The following KCNQ1OT1 variants were observed in gnomAD, a reference collection of about 807,000 sequenced individuals.
KCNQ1OT1 encodes the protein KCNQ1 opposite strand/antisense transcript 1.
exon 1 of KCNQ1OT1, chr11:2,697,554 G>GT (rs1250306000): frequency 2.5e-6 from 1 of 398,430 alleles, no homozygotes; most frequent in Non-Finnish European, 4.4e-6. Flanking sequence ...GCTAAGTGGT[G>GT]TACTCCACTA....
chr11:2,632,474 A>G, exon 1 of KCNQ1OT1: 1 of 398,452 alleles, frequency 2.5e-6, no homozygotes, highest in Non-Finnish European at 4.4e-6. Flanking sequence ...TCTTTTCACC[A>G]TTATGATGCT....
At chr11:2,641,422 A>T (rs1199848379) in exon 1 of KCNQ1OT1, 4 of 397,590 alleles carry the variant, frequency 1.0e-5, no homozygotes, top group African/African-American at 8.3e-5. Context: ...CCTGTTGGCT[A>T]CTTGTATGTT....
At position 2,627,527 on chromosome 11, in the gene KCNQ1OT1, C is replaced by A. The variant is rs749256861; in HGVS notation, n.72468G>T. ...TCTGAGTTCAAGCTTTTTAGAATTC[C>A]ATATGTAACTGGGATAGTGCAGTAT... is the stretch of plus-strand genomic sequence containing the variant. On this transcript the variant is annotated non_coding_transcript_exon_variant, in exon 1 of 1. Coordinates refer to ENST00000597346, the Ensembl canonical transcript of KCNQ1OT1. This position sits in a 1 kb window ranked among gnomAD's most constrained non-coding sequence, Gnocchi z 4.9. The A allele has an allele frequency of 1.0e-5, 4 of 398,362 alleles. No individual in the cohort carries two copies. The highest frequency in any genetic ancestry group is 1.8e-5 in the Non-Finnish European group (4 of 226,032). The allele number at this position is 398,362 out of a possible 1,614,324, so 24.7% of individuals were successfully genotyped here.
exon 1 of KCNQ1OT1, chr11:2,697,280 C>G: frequency 2.5e-6 from 1 of 398,556 alleles, no homozygotes. Context: ...AAGAATACAA[C>G]AAGTCGTAAC....
chr11:2,615,662 G>T (rs1849048605), exon 1 of KCNQ1OT1: 2 of 397,928 alleles, frequency 5.0e-6, no homozygotes, highest in East Asian at 7.2e-5. Flanking sequence ...ATCCTTCATT[G>T]TATTAATGTG....
At chr11:2,629,192 A>G (rs901459863) in exon 1 of KCNQ1OT1, 6 of 398,110 alleles carry the variant, frequency 1.5e-5, no homozygotes, top group Non-Finnish European at 2.2e-5. Context: ...TAGTATAGCT[A>G]TTTCGGCAAT....
At chr11:2,619,777 T>A in exon 1 of KCNQ1OT1, 1 of 398,312 alleles carries the variant, frequency 2.5e-6, no homozygotes, top group East Asian at 3.6e-5. Context: ...GAAGTATTGG[T>A]ATTCTTTGAA....
At chr11:2,667,912 TGG>T in exon 1 of KCNQ1OT1, 1 of 398,646 alleles carries the variant, frequency 2.5e-6, no homozygotes, top group Non-Finnish European at 4.4e-6. Flanking sequence ...CTTCAGTCCC[TGG>T]GACCCATGTG....
Position 2,669,061 on chromosome 11 carries a change from C to A in KCNQ1OT1, n.30934G>T. Reference sequence around the variant, plus strand: ...CCGGCATGGGAAGGCCCGTCCTCTCCCAACTACCCTGCCGTATCAGTGTCT... The same window carrying A: ...CCGGCATGGGAAGGCCCGTCCTCTCACAACTACCCTGCCGTATCAGTGTCT... On this transcript the variant is annotated non_coding_transcript_exon_variant, in exon 1 of 1. Coordinates refer to ENST00000597346, the Ensembl canonical transcript of KCNQ1OT1. The surrounding 1 kb of genome is among the most constrained non-coding windows in gnomAD (Gnocchi z 5.6). 5.0e-6 allele frequency: 2 copies of A among 398,716 alleles called. No individual in the cohort carries two copies. The highest frequency in any genetic ancestry group is 8.8e-6 in the Non-Finnish European group (2 of 226,122). The allele number at this position is 398,716 out of a possible 1,614,324, so 24.7% of individuals were successfully genotyped here.
At chr11:2,665,972 TGC>T (rs1473640018) in exon 1 of KCNQ1OT1, 2 of 398,448 alleles carry the variant, frequency 5.0e-6, no homozygotes, top group African/African-American at 4.1e-5. Flanking sequence ...CATCCCCAAC[TGC>T]CAAGCCAGCC....
rs1205738732 is a variant in KCNQ1OT1 at position 2,678,168 on chromosome 11, A to G, written n.21827T>C. On this transcript the variant is annotated non_coding_transcript_exon_variant, in exon 1 of 1. Transcript: ENST00000597346. The surrounding 1 kb of genome is among the most constrained non-coding windows in gnomAD (Gnocchi z 4.9). The stretch of plus-strand genomic sequence containing the variant: ...TAGGTGTTTTGGCTTTTTCTATAAT[A>G]TTTTTCTGGTGGCAGAATTTTTTTA... 1.0e-5 allele frequency: 4 copies of G among 397,882 alleles called. No homozygotes were observed. Among genetic ancestry groups the G allele is most frequent in the Non-Finnish European group, 1.8e-5 (4 of 225,852 alleles). The allele number at this position is 397,882 out of a possible 1,614,324, so 24.6% of individuals were successfully genotyped here.
chr11:2,624,746 C>T lies in KCNQ1OT1; in HGVS notation n.75249G>A, dbSNP rs943975791. 3.3e-5 allele frequency: 13 copies of T among 398,472 alleles called. No homozygotes were observed. The highest frequency in any genetic ancestry group is 1.1e-4 in the East Asian group (3 of 28,062). 24.7% of individuals were successfully genotyped at this position (398,472 alleles called of 1,614,324 possible). ...CATTAAACAATAATTCCCCAACCCC[C>T]CCACCACCGCCATCTCTTGGAAACC... On this transcript the variant is annotated non_coding_transcript_exon_variant, in exon 1 of 1. Transcript: ENST00000597346. The surrounding 1 kb of genome is among the most constrained non-coding windows in gnomAD (Gnocchi z 4.9).
rs1564835907 is a variant in KCNQ1OT1, at chr11:2,620,221, T to TTTTA, written n.79773_79774insTAAA. ...CATGTATATATATATATTTTTTTTT[T>TTTTA]TTATTTTTTTTTTAGACGGAGTTTC... On this transcript the variant is annotated non_coding_transcript_exon_variant, in exon 1 of 1. Transcript: ENST00000597346. The surrounding 1 kb of genome is among the most constrained non-coding windows in gnomAD (Gnocchi z 4.5). 230 of 280,170 alleles carry TTTTA rather than the reference T, an allele frequency of 8.2e-4. 1 individual carries two copies. The highest frequency in any genetic ancestry group is 3.3e-3 in the Middle Eastern group (3 of 922). 17.4% of individuals were successfully genotyped at this position (280,170 alleles called of 1,614,324 possible).
At chr11:2,697,603 A>AT (rs1208849948) in exon 1 of KCNQ1OT1, 17 of 398,174 alleles carry the variant, frequency 4.3e-5, no homozygotes, top group Non-Finnish European at 5.3e-5. Context: ...TTATCACATC[A>AT]TTTTTTTCTG....
exon 1 of KCNQ1OT1, chr11:2,699,681 A>AGAACCCCCGGGGAGAACCGCGCCGAC (rs1186679424): frequency 8.8e-6 from 3 of 341,942 alleles, no homozygotes; most frequent in African/African-American, 2.3e-5. Context: ...ACCGCGCCGA[A>AGAACCCCCGGGGAGAACCGCGCCGAC]AAGCCCCGGG....
At chr11:2,681,068 T>G in exon 1 of KCNQ1OT1, 4 of 398,562 alleles carry the variant, frequency 1.0e-5, no homozygotes, top group Non-Finnish European at 1.8e-5. Flanking sequence ...AAAAGAGACT[T>G]TGGAAGATTT....
rs959699890 is a variant in KCNQ1OT1, at chr11:2,687,451, T to G, written n.12544A>C. 3.3e-5 allele frequency: 13 copies of G among 398,688 alleles called. No homozygotes were observed. The highest frequency in any genetic ancestry group is 5.7e-5 in the Non-Finnish European group (13 of 226,228). The allele number at this position is 398,688 out of a possible 1,614,324, so 24.7% of individuals were successfully genotyped here. A position where few individuals can be genotyped will look rare whatever the true frequency, so the allele number is the denominator to read the frequency against. Reference sequence around the variant, plus strand: ...CCAGCTGTCCATACAGATCCCTGCCTGCACAAGAGCTGCTGCAGCATTTCA... The same window carrying G: ...CCAGCTGTCCATACAGATCCCTGCCGGCACAAGAGCTGCTGCAGCATTTCA... On this transcript the variant is annotated non_coding_transcript_exon_variant, in exon 1 of 1. Transcript: ENST00000597346. This position sits in a 1 kb window ranked among gnomAD's most constrained non-coding sequence, Gnocchi z 5.0.
chr11:2,650,127 G>A (rs1202071022), exon 1 of KCNQ1OT1: 9 of 398,030 alleles, frequency 2.3e-5, no homozygotes, highest in Middle Eastern at 6.2e-4. Flanking sequence ...TCACCTCCAG[G>A]ATTTTTGTTT....
chr11:2,696,983 T>G (rs1288311352), exon 1 of KCNQ1OT1: 1 of 398,442 alleles, frequency 2.5e-6, no homozygotes, highest in African/African-American at 2.1e-5. Flanking sequence ...TTTTTTTCCA[T>G]GTAGCCCAGT....
Sources: gnomAD v4.1 joint callset for allele counts on GRCh38, gnomAD v4.1.1 for gene constraint, Gnocchi (gnomAD v3.1) non-coding constraint, MANE v1.5 for transcripts, NCBI Gene and HGNC (gene_info 2026-07-23, HGNC 2026-07-21) for gene names.